BNC2: variants seen among roughly 807,000 people sequenced by gnomAD.
BNC2 encodes the protein zinc finger protein basonuclin-2.
In BNC2, 20 loss-of-function variants were observed where a neutral mutation model predicts 76.3. That is an observed-to-expected ratio of 0.26 (90% CI 0.18 to 0.38). The LOEUF (loss-of-function observed/expected upper bound fraction) is 0.38. Among genes scored for constraint, BNC2 ranks in the 10% least tolerant of loss-of-function variants. The pLI is 1.00. For missense variants in BNC2, 1,382 were observed against 1,399.8 expected (o/e 0.99, Z 0.20); for synonymous variants, 582 against 514.8 (o/e 1.13, Z -1.77).
At chr9:16,469,371 CT>C (rs1482710025) in intron 5 of BNC2, among the ~76,000 whole-genome samples, 2 of 152,162 alleles carry the variant, frequency 1.3e-5, no homozygotes, top group African/African-American at 4.8e-5. Context: ...GTGATGAAGC[CT>C]CACGAGATTT....
At chr9:16,857,382 C>G (rs1051267432) in intron 1 of BNC2, among the ~76,000 whole-genome samples, 4 of 148,606 alleles carry the variant, frequency 2.7e-5, no homozygotes, top group African/African-American at 1.0e-4. Context: ...GAGGCTAAGG[C>G]AGGAGAATCA....
intron 5 of BNC2, among the ~76,000 whole-genome samples, chr9:16,440,512 G>A (rs1044044168): frequency 6.6e-6 from 1 of 152,108 alleles, no homozygotes; most frequent in Admixed American, 6.6e-5. Context: ...TCTTCCCCAG[G>A]TTCTTCCAAG....
chr9:16,683,518 G>C (rs370297733), intron 3 of BNC2, among the ~76,000 whole-genome samples: 1 of 152,150 alleles, frequency 6.6e-6, no homozygotes, highest in South Asian at 2.1e-4. Flanking sequence ...GCAGGAAAAG[G>C]AGATGACTGG....
rs141172792 is a variant in BNC2 at position 16,792,588 on chromosome 9, C to A, written c.4-54103G>T. On this transcript the variant is annotated intron_variant, in intron 1 of 6. Transcript: ENST00000380672. ...GACCATTCCCAGTCTGCAGAAGGGG[C>A]CAAAAGAATAGTTCAAATACATTCA... is the stretch of plus-strand genomic sequence containing the variant. Among the ~76,000 whole-genome samples, 5 of 152,194 alleles carry A rather than the reference C, an allele frequency of 3.3e-5. No homozygotes were observed. In the East Asian group the frequency reaches 9.7e-4, roughly 29 times the overall value.
At chr9:16,788,679 G>C (rs78119711) in intron 1 of BNC2, among the ~76,000 whole-genome samples, 3 of 151,896 alleles carry the variant, frequency 2.0e-5, no homozygotes, top group Non-Finnish European at 2.9e-5. Context: ...AAAGAGAAAA[G>C]GGAGCCCTTT....
chr9:16,424,022 T>C (rs923438367), intron 6 of BNC2, among the ~76,000 whole-genome samples: 2 of 152,202 alleles, frequency 1.3e-5, no homozygotes, highest in Non-Finnish European at 2.9e-5. Context: ...AGTCTTTTTC[T>C]GTTCCTTTGA....
intron 5 of BNC2, among the ~76,000 whole-genome samples, chr9:16,493,782 A>G (rs1228460702): frequency 1.3e-5 from 2 of 152,228 alleles, no homozygotes; most frequent in African/African-American, 2.4e-5. Context: ...GTGACTTCTG[A>G]GCCATGCCTG....
chr9:16,857,004 T>C (rs1394350093), intron 1 of BNC2, among the ~76,000 whole-genome samples: 1 of 152,208 alleles, frequency 6.6e-6, no homozygotes, highest in Non-Finnish European at 1.5e-5. Context: ...GCATATATGA[T>C]TTTGTCAGTC....
intron 5 of BNC2, among the ~76,000 whole-genome samples, chr9:16,468,994 T>C (rs1821757388): frequency 6.6e-6 from 1 of 152,238 alleles, no homozygotes; most frequent in African/African-American, 2.4e-5. Context: ...GCTGAATGAA[T>C]ATATCTAGTT....
intron 3 of BNC2, among the ~76,000 whole-genome samples, chr9:16,595,801 A>G (rs906674700): frequency 1.3e-5 from 2 of 152,172 alleles, no homozygotes; most frequent in African/African-American, 4.8e-5. Flanking sequence ...AAATGCTTCA[A>G]CATCACTGAG....
chr9:16,650,961 G>C (rs1394974098), intron 3 of BNC2, among the ~76,000 whole-genome samples: 1 of 152,000 alleles, frequency 6.6e-6, no homozygotes, highest in Non-Finnish European at 1.5e-5. Flanking sequence ...TTTCTTTCTA[G>C]TCAGATAACT....
chr9:16,830,160 T>A lies in BNC2; in HGVS notation c.3+40486A>T, dbSNP rs75846465. The stretch of plus-strand genomic sequence containing the variant: ...AAAACTCCACACAATTATATTTCAA[T>A]AAAATATCTAACGGTTTTCCAACAT... On this transcript the variant is annotated intron_variant, in intron 1 of 6. Coordinates refer to ENST00000380672, the MANE Select transcript of BNC2 (RefSeq NM_017637.6). Among the ~76,000 whole-genome samples, 389 of 152,322 alleles carry A rather than the reference T, an allele frequency of 2.6e-3. 2 individuals are homozygous for A. Among genetic ancestry groups the A allele is most frequent in the African/African-American group, 9.0e-3 (376 of 41,572 alleles).
At chr9:16,476,081 C>T (rs1266643307) in intron 5 of BNC2, 1 of 152,158 alleles carries the variant, frequency 6.6e-6, no homozygotes, top group Non-Finnish European at 1.5e-5. Flanking sequence ...AGGAGTTTTG[C>T]TTTATCCACC....
chr9:16,417,788 G>C lies in BNC2; in HGVS notation c.*1201C>G, dbSNP rs1448593221. Reference sequence around the variant, plus strand: ...CCTGCCTCTGAAGAATAAATGCCTTGGCTGTTTCACACCACATAATTTTGT... The same window carrying C: ...CCTGCCTCTGAAGAATAAATGCCTTCGCTGTTTCACACCACATAATTTTGT... On this transcript the variant is annotated 3_prime_UTR_variant, in exon 7 of 7. Coordinates refer to ENST00000380672, the MANE Select transcript of BNC2 (RefSeq NM_017637.6). 1 of 152,558 alleles carries C rather than the reference G, an allele frequency of 6.6e-6. No homozygotes were observed. The highest frequency in any genetic ancestry group is 1.5e-5 in the Non-Finnish European group (1 of 68,032). 9.5% of individuals were successfully genotyped at this position (152,558 alleles called of 1,614,324 possible). A position where few individuals can be genotyped will look rare whatever the true frequency, so the allele number is the denominator to read the frequency against.
chr9:16,518,852 C>T (rs965476955), intron 5 of BNC2, among the ~76,000 whole-genome samples: 3 of 152,138 alleles, frequency 2.0e-5, no homozygotes, highest in Non-Finnish European at 2.9e-5. Flanking sequence ...CCACCTGCCT[C>T]GGCCTCCCCA....
At chr9:16,606,651 A>T (rs1473163135) in intron 3 of BNC2, among the ~76,000 whole-genome samples, 1 of 151,816 alleles carries the variant, frequency 6.6e-6, no homozygotes, top group Non-Finnish European at 1.5e-5. Context: ...CTCCAGCCCC[A>T]GCCTCAAGCA....
chr9:16,493,413 G>A (rs1460961009), intron 5 of BNC2, among the ~76,000 whole-genome samples: 3 of 152,212 alleles, frequency 2.0e-5, no homozygotes, highest in Non-Finnish European at 4.4e-5. Flanking sequence ...GGGTGGGTAT[G>A]TGTAAGAGGG....
chr9:16,519,099 G>A (rs1242242596), intron 5 of BNC2, among the ~76,000 whole-genome samples: 2 of 152,164 alleles, frequency 1.3e-5, no homozygotes, highest in African/African-American at 4.8e-5. Context: ...TTTAAACAGG[G>A]ATGAATGCCT....
At chr9:16,507,272 T>TTTTTTC (rs1822649871) in intron 5 of BNC2, among the ~76,000 whole-genome samples, 1 of 147,444 alleles carries the variant, frequency 6.8e-6, no homozygotes, top group Non-Finnish European at 1.5e-5. Context: ...TTTTTTTTTT[T>TTTTTTC]TTTGAGACGG....
Sources: gnomAD v4.1 joint callset for allele counts (sites outside exome capture counted in the v4.1 genomes callset) on GRCh38, gnomAD v4.1.1 for gene constraint, MANE v1.5 for transcripts, NCBI Gene and HGNC (gene_info 2026-07-23, HGNC 2026-07-21) for gene names.